SYT1: variants seen among roughly 807,000 people sequenced by gnomAD.
SYT1 encodes synaptotagmin-1.
A neutral mutation model predicts 44.8 loss-of-function variants in SYT1; 8 were observed. That is an observed-to-expected ratio of 0.18 (90% CI 0.10 to 0.32). The LOEUF is 0.32. SYT1 is among the 10% of genes least tolerant of loss of function. The pLI is 1.00. For synonymous variants in SYT1, 154 were observed against 188.8 expected (o/e 0.82, Z 1.51); for missense variants, 286 against 509.3 (o/e 0.56, Z 4.22).
chr12:79,213,811 A>C (rs1301237852), intron 3 of SYT1, among the ~76,000 whole-genome samples: 2 of 152,164 alleles, frequency 1.3e-5, no homozygotes, highest in Non-Finnish European at 2.9e-5. Context: ...TGTAATCCTG[A>C]CTACTCAGGA....
chr12:79,039,451 C>A (rs909602847), intron 2 of SYT1, among the ~76,000 whole-genome samples: 1 of 151,862 alleles, frequency 6.6e-6, no homozygotes, highest in Admixed American at 6.6e-5. Flanking sequence ...TTGCTATGTT[C>A]ACTTTCTCCT....
intron 9 of SYT1, among the ~76,000 whole-genome samples, chr12:79,387,366 G>C (rs1884477037): frequency 6.6e-6 from 1 of 152,128 alleles, no homozygotes; most frequent in African/African-American, 2.4e-5. Flanking sequence ...AATGCAGAGG[G>C]CATTACACTT....
At chr12:79,041,625 C>G (rs1344016615) in intron 2 of SYT1, among the ~76,000 whole-genome samples, 1 of 152,010 alleles carries the variant, frequency 6.6e-6, no homozygotes, top group Non-Finnish European at 1.5e-5. Flanking sequence ...TTTCCTTCTC[C>G]TGCCTAATTG....
At chr12:79,009,543 G>A (rs1421686166) in intron 2 of SYT1, among the ~76,000 whole-genome samples, 2 of 152,078 alleles carry the variant, frequency 1.3e-5, no homozygotes, top group Admixed American at 1.3e-4. Flanking sequence ...ACACGTGTAT[G>A]TTTTATTTCA....
At chr12:78,892,190 C>T (rs1035643112) in intron 1 of SYT1, among the ~76,000 whole-genome samples, 1 of 151,650 alleles carries the variant, frequency 6.6e-6, no homozygotes, top group African/African-American at 2.4e-5. Flanking sequence ...TTGATAAAAA[C>T]CAGGTGGCTT....
intron 4 of SYT1, among the ~76,000 whole-genome samples, chr12:79,239,814 A>G (rs1253849144): frequency 1.3e-5 from 2 of 152,186 alleles, no homozygotes; most frequent in Non-Finnish European, 2.9e-5. Flanking sequence ...TTTTGGCAGA[A>G]ATTCTGTTCC....
At chr12:79,226,039 G>A (rs1300881804) in intron 4 of SYT1, among the ~76,000 whole-genome samples, 1 of 152,094 alleles carries the variant, frequency 6.6e-6, no homozygotes, top group African/African-American at 2.4e-5. Flanking sequence ...CTCATGCCTA[G>A]CACATATGAG....
chr12:79,316,220 C>A (rs1324775516), intron 8 of SYT1, among the ~76,000 whole-genome samples: 1 of 152,156 alleles, frequency 6.6e-6, no homozygotes, highest in Non-Finnish European at 1.5e-5. Context: ...ATTTTTCTTA[C>A]CACAGATTAG....
rs546277412 is a variant in SYT1, at chr12:79,020,133, C to A, written c.-83-27164C>A. Reference sequence around the variant, plus strand: ...TTAACAGCTTTTGTGACCTTGAATGCAAATGAAGTACAATACTAAGGATGT... The same window carrying A: ...TTAACAGCTTTTGTGACCTTGAATGAAAATGAAGTACAATACTAAGGATGT... On this transcript the variant is annotated intron_variant, in intron 2 of 10. Coordinates refer to ENST00000261205, the MANE Select transcript of SYT1 (RefSeq NM_005639.3). 1.6e-4 allele frequency among the ~76,000 whole-genome samples: 24 copies of A among 152,088 alleles called. No homozygotes were observed. The East Asian group carries it at 4.5e-3, about 28-fold the overall frequency.
intron 8 of SYT1, among the ~76,000 whole-genome samples, chr12:79,305,362 T>A (rs1160703654): frequency 6.6e-6 from 1 of 152,160 alleles, no homozygotes. Context: ...TTGTCATACT[T>A]TAGCCTACTG....
intron 8 of SYT1, among the ~76,000 whole-genome samples, chr12:79,326,616 G>A (rs1881618422): frequency 6.6e-6 from 1 of 152,218 alleles, no homozygotes; most frequent in African/African-American, 2.4e-5. Context: ...GGAAATGAAA[G>A]ACCATCTTCC....
chr12:78,944,129 T>C (rs1284361789), intron 1 of SYT1, among the ~76,000 whole-genome samples: 1 of 151,824 alleles, frequency 6.6e-6, no homozygotes, highest in East Asian at 1.9e-4. Flanking sequence ...TAAAAATCTC[T>C]GGGAAGGAAT....
intron 9 of SYT1, chr12:79,394,072 C>CTA (rs995563734): frequency 8.5e-5 from 13 of 152,214 alleles, no homozygotes; most frequent in African/African-American, 3.1e-4. Context: ...AACCTAGAAG[C>CTA]TATAGCAGGG....
intron 3 of SYT1, among the ~76,000 whole-genome samples, chr12:79,070,446 T>C (rs1336942293): frequency 6.6e-6 from 1 of 152,112 alleles, no homozygotes; most frequent in East Asian, 1.9e-4. Context: ...ATTATCTCTT[T>C]TTTTAACCTT....
chr12:79,433,411 T>C (rs920523660), intron 9 of SYT1, among the ~76,000 whole-genome samples: 15 of 152,340 alleles, frequency 9.8e-5, no homozygotes, highest in Admixed American at 7.8e-4. Flanking sequence ...ACATGTACAT[T>C]TATTAAAAAT....
chr12:79,105,996 A>G (rs1421812000), intron 3 of SYT1, among the ~76,000 whole-genome samples: 1 of 152,184 alleles, frequency 6.6e-6, no homozygotes, highest in Non-Finnish European at 1.5e-5. Flanking sequence ...GACTAAATGA[A>G]TGAGTACAAT....
At chr12:79,008,372 A>G (rs1279931416) in intron 2 of SYT1, among the ~76,000 whole-genome samples, 1 of 152,160 alleles carries the variant, frequency 6.6e-6, no homozygotes, top group African/African-American at 2.4e-5. Flanking sequence ...AGCATGTAGA[A>G]TCGTATAAGC....
chr12:79,167,100 T>C (rs1281231127), intron 3 of SYT1, among the ~76,000 whole-genome samples: 1 of 151,980 alleles, frequency 6.6e-6, no homozygotes, highest in Non-Finnish European at 1.5e-5. Context: ...TAAATACAAT[T>C]GTTTAAGTGA....
chr12:78,998,063 T>C (rs539001901), intron 2 of SYT1, among the ~76,000 whole-genome samples: 1 of 151,974 alleles, frequency 6.6e-6, no homozygotes, highest in East Asian at 1.9e-4. Context: ...TGAGAACAAA[T>C]GAAACAAAAG....
Sources: allele counts gnomAD v4.1 joint callset (sites outside exome capture counted in the v4.1 genomes callset), GRCh38; gene constraint gnomAD v4.1.1; transcripts MANE v1.5; gene names NCBI Gene and HGNC (gene_info 2026-07-23, HGNC 2026-07-21).